Variants in FBXO34 observed in about 807,000 individuals in gnomAD.
The protein encoded by FBXO34 is F-box only protein 34.
Under a neutral mutation model 24.5 loss-of-function variants are expected in FBXO34, and 12 were observed. The ratio of observed to expected loss-of-function variants is 0.49; its 90% CI spans 0.31 to 0.79. The LOEUF is 0.79. Ranked by LOEUF, FBXO34 falls within the 30% of genes least tolerant of loss-of-function variation. The probability of loss-of-function intolerance (pLI) is 0.04; values close to 1 mark genes in which losing one functional copy is unlikely to be tolerated. For synonymous variants in FBXO34, 320 were observed against 311.9 expected (o/e 1.03, Z -0.27); for missense variants, 823 against 857.7 (o/e 0.96, Z 0.51).
chr14:55,424,646 T>A, the FBXO34 span, among the ~76,000 whole-genome samples: 51 of 152,354 alleles, frequency 3.3e-4, no homozygotes, highest in African/African-American at 1.9e-4. Flanking sequence ...ATATTTTGTA[T>A]GCTTTTACGA....
intron 1 of FBXO34, among the ~76,000 whole-genome samples, chr14:55,349,609 T>TTTTTTTTC (rs1237108174): frequency 6.9e-6 from 1 of 143,950 alleles, no homozygotes; most frequent in Non-Finnish European, 1.5e-5. Context: ...ATAATTTTCT[T>TTTTTTTTC]TTTTTTTTTT....
At position 55,331,852 on chromosome 14, in the gene FBXO34, C is replaced by T. The variant is rs1411587971; in HGVS notation, c.-10-18529C>T. ...GTATATATAAAAATATATATATACA[C>T]CACCGGGGTGTATATATAAAAATAT... On this transcript the variant is annotated intron_variant, in intron 1 of 1. Transcript: ENST00000313833. Among the ~76,000 whole-genome samples, 2 of 37,096 alleles carry T rather than the reference C, an allele frequency of 5.4e-5. 1 individual carries two copies. Among genetic ancestry groups the T allele is most frequent in the Non-Finnish European group, 9.3e-5 (2 of 21,484 alleles). 24.3% of individuals were successfully genotyped at this position (37,096 alleles called of 152,430 possible). A position where few individuals can be genotyped will look rare whatever the true frequency, so the allele number is the denominator to read the frequency against.
chr14:55,357,534 A>G (rs1479362295), downstream of FBXO34, among the ~76,000 whole-genome samples: 1 of 152,182 alleles, frequency 6.6e-6, no homozygotes, highest in East Asian at 1.9e-4. Flanking sequence ...TCTGTTTATT[A>G]AGAAGTATGA....
chr14:55,283,942 CTATGTGTGTG>C (rs1215816685), intron 1 of FBXO34, among the ~76,000 whole-genome samples: 143 of 130,796 alleles, frequency 1.1e-3, no homozygotes, highest in Non-Finnish European at 2.0e-3. Context: ...CATTCTAAGA[CTATGTGTGTG>C]TGTGTGTGTG....
intron 1 of FBXO34, among the ~76,000 whole-genome samples, chr14:55,323,239 T>C: frequency 9.0e-6 from 1 of 111,610 alleles, no homozygotes; most frequent in African/African-American, 5.2e-5. Context: ...TTTTTTTTTT[T>C]TTTTTTTTTA....
intron 1 of FBXO34, among the ~76,000 whole-genome samples, chr14:55,284,428 T>C (rs994561684): frequency 7.3e-5 from 11 of 149,812 alleles, no homozygotes; most frequent in African/African-American, 2.7e-4. Context: ...CAGGAGAATC[T>C]CTTGAACTCG....
intron 1 of FBXO34, among the ~76,000 whole-genome samples, chr14:55,313,306 A>G (rs1326565581): frequency 1.3e-5 from 2 of 152,152 alleles, no homozygotes; most frequent in Non-Finnish European, 2.9e-5. Context: ...AGACCACCTC[A>G]TCCTGGACTT....
At position 55,351,825 on chromosome 14, in the gene FBXO34, C is replaced by A; in HGVS notation, c.1435C>A (p.Pro479Thr). Reference sequence around the variant, plus strand: ...TTTAAACTCCTGTGAAGACCCAGTTCCAGGGATGTTGTTTTTTTTGCCACC... The same window carrying A: ...TTTAAACTCCTGTGAAGACCCAGTTACAGGGATGTTGTTTTTTTTGCCACC... ...SILNSCEDPVPGMLFFLPPGQ... is the reference protein window; with the variant it reads ...SILNSCEDPVTGMLFFLPPGQ... The change falls in exon 2 of 2, where the codon CCA (proline) becomes ACA (threonine). Residue 479 changes from proline (P) to threonine (T), a missense_variant. Physicochemically the swap from Pro to Thr is conservative, Grantham distance 38. This residue lies in a region of FBXO34 where 693 missense variants were observed against 659.1 expected (regional missense o/e 1.05). Transcript: ENST00000313833. 2 of 1,614,124 alleles carry A rather than the reference C, an allele frequency of 1.2e-6. No individual in the cohort carries two copies. The highest frequency in any genetic ancestry group is 1.7e-6 in the Non-Finnish European group (2 of 1,180,012).
intron 1 of FBXO34, among the ~76,000 whole-genome samples, chr14:55,279,738 G>GCT (rs1340543871): frequency 3.3e-5 from 5 of 152,088 alleles, no homozygotes; most frequent in Admixed American, 2.0e-4. Context: ...AATTAGTTTA[G>GCT]CCAGCCTGGG....
intron 1 of FBXO34, among the ~76,000 whole-genome samples, chr14:55,346,894 A>G (rs1884177396): frequency 6.6e-6 from 1 of 152,194 alleles, no homozygotes; most frequent in Admixed American, 6.5e-5. Flanking sequence ...TTTGTTGGGC[A>G]GTTCCACCTT....
At chr14:55,428,754 T>C in the FBXO34 span, 38 of 1,547,984 alleles carry the variant, frequency 2.5e-5, no homozygotes, top group Non-Finnish European at 3.3e-5. Flanking sequence ...CAACCCATAA[T>C]GTAACTTAAA....
chr14:55,369,930 G>A, downstream of FBXO34: 1 of 1,589,982 alleles, frequency 6.3e-7, no homozygotes, highest in Non-Finnish European at 8.6e-7. Flanking sequence ...CCTGACCTGT[G>A]TGCAGACAAT....
chr14:55,388,933 G>A, the FBXO34 span, among the ~76,000 whole-genome samples: 1 of 152,134 alleles, frequency 6.6e-6, no homozygotes, highest in African/African-American at 2.4e-5. Flanking sequence ...GAAATACAGA[G>A]TAAGCACGTT....
At chr14:55,355,746 G>C, downstream of FBXO34, among the ~76,000 whole-genome samples, 1 of 152,212 alleles carries the variant, frequency 6.6e-6, no homozygotes, top group East Asian at 1.9e-4. Flanking sequence ...ACTCAACTCA[G>C]AGGGCATCGC....
At chr14:55,424,710 C>T in the FBXO34 span, among the ~76,000 whole-genome samples, 1 of 152,198 alleles carries the variant, frequency 6.6e-6, no homozygotes, top group African/African-American at 2.4e-5. Context: ...TTCTAGGCCA[C>T]TGCTATTTGT....
intron 1 of FBXO34, among the ~76,000 whole-genome samples, chr14:55,281,661 T>G (rs1022781976): frequency 3.9e-4 from 59 of 152,218 alleles, no homozygotes; most frequent in Admixed American, 3.9e-3. Context: ...ACGAAGTCTA[T>G]TCCCATAAAA....
the FBXO34 span, among the ~76,000 whole-genome samples, chr14:55,391,842 C>A: frequency 6.6e-6 from 1 of 152,148 alleles, no homozygotes; most frequent in Non-Finnish European, 1.5e-5. Flanking sequence ...ACCCAATAAG[C>A]AACTAGTACT....
intron 1 of FBXO34, among the ~76,000 whole-genome samples, chr14:55,274,553 AAATT>A (rs1456750103): frequency 6.6e-6 from 1 of 152,218 alleles, no homozygotes; most frequent in African/African-American, 2.4e-5. Context: ...TGAAGGCACT[AAATT>A]AAACAGTCAT....
At chr14:55,369,823 G>A (rs1391839894), downstream of FBXO34, 12 of 1,614,056 alleles carry the variant, frequency 7.4e-6, no homozygotes, top group Admixed American at 5.0e-5. Flanking sequence ...TTTCTTCATC[G>A]CTGACGCGCT....
Sources: allele counts gnomAD v4.1 joint callset (sites outside exome capture counted in the v4.1 genomes callset), GRCh38; gene constraint gnomAD v4.1.1; regional missense constraint gnomAD v4.1.1; transcripts MANE v1.5; gene names NCBI Gene and HGNC (gene_info 2026-07-23, HGNC 2026-07-21).